The following TMCO5A variants were observed in gnomAD, a reference collection of about 807,000 sequenced individuals.
TMCO5A encodes transmembrane and coiled-coil domains 5A.
Under a neutral mutation model 42.3 loss-of-function variants are expected in TMCO5A, and 34 were observed. That is an observed-to-expected ratio of 0.80 (90% CI 0.61 to 1.07). TMCO5A has a LOEUF of 1.07. Ranked by LOEUF, TMCO5A falls within the 50% of genes least tolerant of loss-of-function variation. TMCO5A has a pLI of 0.00. For synonymous variants in TMCO5A, 131 were observed against 115.6 expected (o/e 1.13, Z -0.86); for missense variants, 357 against 327.9 (o/e 1.09, Z -0.69).
the TMCO5A span, among the ~76,000 whole-genome samples, chr15:38,001,695 T>C: frequency 1.3e-5 from 2 of 152,038 alleles, no homozygotes; most frequent in African/African-American, 4.8e-5. Context: ...GAGGTTACCA[T>C]GAAGCTTATA....
the TMCO5A span, among the ~76,000 whole-genome samples, chr15:38,029,839 C>T: frequency 3.9e-5 from 6 of 152,256 alleles, no homozygotes; most frequent in South Asian, 2.1e-4. Context: ...ACAACTGGCA[C>T]GCACTTATAA....
chr15:37,982,233 C>G, the TMCO5A span, among the ~76,000 whole-genome samples: 763 of 152,044 alleles, frequency 5.0e-3, 6 homozygotes, highest in African/African-American at 0.017. Context: ...CACTACCTAC[C>G]ATTTTAATCC....
At chr15:38,035,824 G>T in the TMCO5A span, among the ~76,000 whole-genome samples, 2 of 152,146 alleles carry the variant, frequency 1.3e-5, no homozygotes, top group Non-Finnish European at 2.9e-5. Flanking sequence ...AGATGCTCTC[G>T]CACAAAGTGT....
At chr15:37,993,382 T>TA in the TMCO5A span, 1 of 151,916 alleles carries the variant, frequency 6.6e-6, no homozygotes, top group African/African-American at 2.4e-5. Context: ...GGTTTTTTTT[T>TA]TTATTTTTGA....
chr15:37,941,055 C>T (rs570028065), intron 6 of TMCO5A, 94 bp from the exon 7 acceptor site: 7 of 1,133,088 alleles, frequency 6.2e-6, no homozygotes, highest in Non-Finnish European at 9.3e-6. Context: ...GGCCCTGAGG[C>T]TCCTCACAGC....
At chr15:37,964,003 C>A (rs1045563766) in intron 11 of TMCO5A, among the ~76,000 whole-genome samples, 1 of 152,050 alleles carries the variant, frequency 6.6e-6, no homozygotes, top group Non-Finnish European at 1.5e-5. Flanking sequence ...TCAGGTAAAT[C>A]AGAGATTTTT....
At chr15:37,974,245 T>C in the TMCO5A span, among the ~76,000 whole-genome samples, 107 of 152,298 alleles carry the variant, frequency 7.0e-4, 1 homozygote, top group Non-Finnish European at 1.2e-3. Flanking sequence ...CTGTGCCAGG[T>C]TTTGGTATCA....
At chr15:37,964,483 G>A (rs1430577071) in intron 11 of TMCO5A, among the ~76,000 whole-genome samples, 1 of 151,700 alleles carries the variant, frequency 6.6e-6, no homozygotes, top group Non-Finnish European at 1.5e-5. Context: ...TCTTGAAGTT[G>A]ATCTGGAGCT....
At chr15:38,012,346 G>A in the TMCO5A span, among the ~76,000 whole-genome samples, 1 of 152,138 alleles carries the variant, frequency 6.6e-6, no homozygotes, top group Non-Finnish European at 1.5e-5. Context: ...TTTGCTGTTT[G>A]ACATTCACAC....
chr15:37,944,273 T>G (rs1889856265), intron 10 of TMCO5A: 1 of 152,152 alleles, frequency 6.6e-6, no homozygotes, highest in Non-Finnish European at 1.5e-5. Context: ...TTCTGCTTAG[T>G]AAACAAAATC....
chr15:38,008,040 C>T, the TMCO5A span, among the ~76,000 whole-genome samples: 4 of 151,736 alleles, frequency 2.6e-5, no homozygotes, highest in African/African-American at 4.8e-5. Flanking sequence ...GGACTACAGG[C>T]GCCTGCCACC....
At chr15:38,035,237 A>G in the TMCO5A span, among the ~76,000 whole-genome samples, 1 of 152,232 alleles carries the variant, frequency 6.6e-6, no homozygotes, top group Admixed American at 6.5e-5. Flanking sequence ...AGAATATAAC[A>G]TTTTATTCAG....
At chr15:38,002,508 G>C in the TMCO5A span, among the ~76,000 whole-genome samples, 1 of 151,194 alleles carries the variant, frequency 6.6e-6, no homozygotes, top group Non-Finnish European at 1.5e-5. Context: ...CTATTTTCTA[G>C]ATCTTGCATT....
At chr15:38,026,448 C>G in the TMCO5A span, among the ~76,000 whole-genome samples, 1 of 152,172 alleles carries the variant, frequency 6.6e-6, no homozygotes, top group African/African-American at 2.4e-5. Flanking sequence ...GAAGAAATTT[C>G]TAAGCAGCAA....
In TMCO5A at chr15:37,943,423, C is replaced by A. The variant is rs185826124; in HGVS notation, c.627+25C>A. The A allele has an allele frequency of 4.0e-4, 638 of 1,609,718 alleles. 2 individuals carry two copies. The African/African-American group carries it at 7.2e-3, about 18-fold the overall frequency. ...GGTAAACACTCCATTCTCTCTTCAG[C>A]TCCTCACAGTGTCATTGCCTTTCAA... On this transcript the variant is annotated intron_variant, in intron 10 of 11. Transcript: ENST00000319669.
At chr15:38,014,249 T>A in the TMCO5A span, among the ~76,000 whole-genome samples, 1 of 152,158 alleles carries the variant, frequency 6.6e-6, no homozygotes, top group Non-Finnish European at 1.5e-5. Context: ...ATATACTCCT[T>A]CCTAAAATTA....
the TMCO5A span, among the ~76,000 whole-genome samples, chr15:38,025,355 G>A: frequency 6.6e-6 from 1 of 152,046 alleles, no homozygotes; most frequent in South Asian, 2.1e-4. Flanking sequence ...GTGCTTTCAA[G>A]TCAATGGCTT....
At chr15:38,014,854 TA>T in the TMCO5A span, among the ~76,000 whole-genome samples, 11 of 4,494 alleles carry the variant, frequency 2.4e-3, no homozygotes, top group African/African-American at 7.4e-3. Context: ...GGAGAAAGAT[TA>T]TATATATATA....
At chr15:37,937,019 C>A in intron 4 of TMCO5A, 49 bp downstream of exon 4, 1 of 1,604,466 alleles carries the variant, frequency 6.2e-7, no homozygotes, top group South Asian at 1.1e-5. Flanking sequence ...ATTCCTCATT[C>A]CATCCTTCAT....
Sources: gnomAD v4.1 joint callset for allele counts (sites outside exome capture counted in the v4.1 genomes callset) on GRCh38, gnomAD v4.1.1 for gene constraint, MANE v1.5 for transcripts, NCBI Gene and HGNC (gene_info 2026-07-23, HGNC 2026-07-21) for gene names.